Variants in AIRIM observed in about 807,000 individuals in gnomAD.
AIRIM encodes the protein AFG2-interacting ribosome maturation factor.
At chr1:37,687,100 G>A in the AIRIM span, among the ~76,000 whole-genome samples, 4 of 133,278 alleles carry the variant, frequency 3.0e-5, no homozygotes, top group African/African-American at 1.3e-4. Flanking sequence ...GTGTGTGTGT[G>A]TGTGTGTGTG....
chr1:37,689,771 G>T, the AIRIM span: 3 of 1,613,476 alleles, frequency 1.9e-6, no homozygotes, highest in Admixed American at 1.7e-5. Flanking sequence ...GGACAGGAGG[G>T]GCTGGCAGTC....
chr1:37,690,595 T>C, the AIRIM span: 9 of 648,594 alleles, frequency 1.4e-5, no homozygotes, highest in East Asian at 7.5e-5. Flanking sequence ...CGCGAAAATA[T>C]ATCGTAGTGC....
the AIRIM span, chr1:37,686,204 T>C: frequency 1.4e-6 from 2 of 1,430,420 alleles, no homozygotes; most frequent in Non-Finnish European, 1.9e-6. Context: ...TTTTCCAATC[T>C]TGTGAAAACT....
the AIRIM span, chr1:37,686,366 C>G: frequency 6.2e-7 from 1 of 1,614,140 alleles, no homozygotes; most frequent in Non-Finnish European, 8.5e-7. Flanking sequence ...AGCATCAATG[C>G]CAACTGTGTC....
the AIRIM span, among the ~76,000 whole-genome samples, chr1:37,691,834 G>T: frequency 4.1e-4 from 63 of 152,346 alleles, no homozygotes; most frequent in African/African-American, 1.5e-3. Flanking sequence ...GCGCCAACAC[G>T]CGAACTGGGC....
At chr1:37,685,848 T>C in the AIRIM span, among the ~76,000 whole-genome samples, 1 of 152,224 alleles carries the variant, frequency 6.6e-6, no homozygotes, top group African/African-American at 2.4e-5. Context: ...GCATTTGATG[T>C]TTCCTCTGCC....
the AIRIM span, among the ~76,000 whole-genome samples, chr1:37,684,493 T>C: frequency 6.6e-6 from 1 of 152,126 alleles, no homozygotes; most frequent in South Asian, 2.1e-4. Context: ...GTGGCAGGTG[T>C]CTGTAATCTC....
the AIRIM span, chr1:37,683,435 T>C: frequency 6.2e-7 from 1 of 1,613,554 alleles, no homozygotes; most frequent in Non-Finnish European, 8.5e-7. Context: ...TCTCTTCAGG[T>C]ACCTTTCTGG....
the AIRIM span, among the ~76,000 whole-genome samples, chr1:37,688,508 C>T: frequency 6.6e-6 from 1 of 152,176 alleles, no homozygotes; most frequent in African/African-American, 2.4e-5. Flanking sequence ...ATTTAATTCA[C>T]TGATTGTTTA....
At chr1:37,682,933 G>C in the AIRIM span, 1 of 615,364 alleles carries the variant, frequency 1.6e-6, no homozygotes, top group Non-Finnish European at 2.9e-6. Flanking sequence ...CTCAGCCACG[G>C]CCTGGCATGC....
chr1:37,689,512 G>A, the AIRIM span: 1 of 1,401,548 alleles, frequency 7.1e-7, no homozygotes, highest in South Asian at 1.5e-5. Context: ...ACGCTTTCAA[G>A]GAGAAAAACA....
the AIRIM span, among the ~76,000 whole-genome samples, chr1:37,685,205 T>TGGG: frequency 6.2e-5 from 2 of 32,386 alleles, no homozygotes; most frequent in Non-Finnish European, 1.2e-4. Flanking sequence ...GGGGGGGGGG[T>TGGG]GGGCGGGGGG....
At chr1:37,688,632 A>G in the AIRIM span, among the ~76,000 whole-genome samples, 2 of 152,192 alleles carry the variant, frequency 1.3e-5, no homozygotes, top group Non-Finnish European at 2.9e-5. Flanking sequence ...ACAAATAAAT[A>G]AAAGGAAAGT....
the AIRIM span, among the ~76,000 whole-genome samples, chr1:37,687,438 T>A: frequency 0.28 from 42,488 of 150,028 alleles, 6,507 homozygotes; most frequent in African/African-American, 0.39. Context: ...AGCTAATATA[T>A]ATTTTTTTTT....
the AIRIM span, among the ~76,000 whole-genome samples, chr1:37,686,832 C>T: frequency 2.0e-5 from 3 of 152,068 alleles, no homozygotes; most frequent in African/African-American, 7.2e-5. Flanking sequence ...CTTTGGGAGG[C>T]TGAGCGGGGT....
chr1:37,681,866 T>A, the AIRIM span: 1 of 152,212 alleles, frequency 6.6e-6, no homozygotes, highest in African/African-American at 2.4e-5. Flanking sequence ...ACAAATTACA[T>A]TAGGTTTTTT....
chr1:37,681,884 G>GA, the AIRIM span: 1 of 152,148 alleles, frequency 6.6e-6, no homozygotes, highest in Non-Finnish European at 1.5e-5. Context: ...TTTAAAAAAA[G>GA]ACAACCTAAC....
chr1:37,683,432 A>C, the AIRIM span: 1 of 1,613,538 alleles, frequency 6.2e-7, no homozygotes, highest in Non-Finnish European at 8.5e-7. Flanking sequence ...CTTTCTCTTC[A>C]GGTACCTTTC....
the AIRIM span, among the ~76,000 whole-genome samples, chr1:37,686,836 G>T: frequency 6.6e-6 from 1 of 152,142 alleles, no homozygotes; most frequent in Admixed American, 6.5e-5. Flanking sequence ...GGGAGGCTGA[G>T]CGGGGTGGAT....
Sources: gnomAD v4.1 joint callset for allele counts (sites outside exome capture counted in the v4.1 genomes callset) on GRCh38, gnomAD v4.1.1 for gene constraint, MANE v1.5 for transcripts, NCBI Gene and HGNC (gene_info 2026-07-23, HGNC 2026-07-21) for gene names.